Variants in SLC25A26 observed in about 807,000 individuals in gnomAD.
SLC25A26 encodes the protein mitochondrial S-adenosylmethionine carrier protein.
Under a neutral mutation model 37.8 loss-of-function variants are expected in SLC25A26, and 36 were observed. The observed-to-expected ratio is 0.95, with a 90% confidence interval of 0.73 to 1.26. The LOEUF (loss-of-function observed/expected upper bound fraction) is 1.26. Ranked by LOEUF, SLC25A26 falls within the 50% of genes most tolerant of loss-of-function variation. SLC25A26 has a pLI of 0.00. For synonymous variants in SLC25A26, 129 were observed against 122.5 expected, an observed-to-expected ratio of 1.05 and a Z score of -0.35; for missense variants, 390 against 331.1, an observed-to-expected ratio of 1.18 and a Z score of -1.38.
intron 7 of SLC25A26, among the ~76,000 whole-genome samples, chr3:66,367,157 A>C (rs1397709064): frequency 1.3e-5 from 2 of 152,228 alleles, no homozygotes; most frequent in Non-Finnish European, 2.9e-5. Flanking sequence ...CTGGCCACCA[A>C]GGAAAGAGTT....
At chr3:66,298,341 G>A (rs2074970959) in intron 5 of SLC25A26, among the ~76,000 whole-genome samples, 1 of 152,174 alleles carries the variant, frequency 6.6e-6, no homozygotes. Flanking sequence ...AAAACTCCTT[G>A]TCATAAATTG....
At chr3:66,309,318 C>T (rs1427585762) in intron 5 of SLC25A26, among the ~76,000 whole-genome samples, 1 of 152,100 alleles carries the variant, frequency 6.6e-6, no homozygotes, top group African/African-American at 2.4e-5. Flanking sequence ...TTATAGTATT[C>T]TCTGATGGTA....
At chr3:66,178,922 G>C (rs2070641542) in intron 1 of SLC25A26, among the ~76,000 whole-genome samples, 1 of 152,138 alleles carries the variant, frequency 6.6e-6, no homozygotes, top group Non-Finnish European at 1.5e-5. Context: ...GCTCATATTT[G>C]TGGTCAAAGG....
chr3:66,360,103 A>G (rs573313968), intron 6 of SLC25A26, among the ~76,000 whole-genome samples: 1 of 152,324 alleles, frequency 6.6e-6, no homozygotes, highest in East Asian at 1.9e-4. Context: ...AGAGTCTTGT[A>G]CCTAATGAAT....
intron 5 of SLC25A26, among the ~76,000 whole-genome samples, chr3:66,288,077 G>A (rs1331321000): frequency 2.6e-5 from 4 of 152,146 alleles, no homozygotes; most frequent in African/African-American, 9.7e-5. Context: ...GAGAGATTCT[G>A]CCCCTAGACA....
At chr3:66,297,604 A>G (rs73833453) in intron 5 of SLC25A26, among the ~76,000 whole-genome samples, 161 of 152,192 alleles carry the variant, frequency 1.1e-3, no homozygotes, top group African/African-American at 3.5e-3. Context: ...TTCCTTTTTT[A>G]AAAAATAGTT....
upstream of SLC25A26, among the ~76,000 whole-genome samples, chr3:66,219,820 A>T (rs2071420606): frequency 6.6e-6 from 1 of 152,200 alleles, no homozygotes; most frequent in Non-Finnish European, 1.5e-5. Flanking sequence ...TGAGTGCATT[A>T]TCTCATTTAA....
At chr3:66,261,778 G>T (rs577877959) in intron 3 of SLC25A26, 4 of 271,890 alleles carry the variant, frequency 1.5e-5, no homozygotes, top group Non-Finnish European at 2.7e-5. Flanking sequence ...GCTTCTTGCC[G>T]TTGGGAGGCT....
chr3:66,279,706 A>G (rs1471562295), intron 5 of SLC25A26, among the ~76,000 whole-genome samples: 1 of 152,184 alleles, frequency 6.6e-6, no homozygotes, highest in Non-Finnish European at 1.5e-5. Context: ...TTTTGATCTT[A>G]TTAGTTTAGT....
intron 5 of SLC25A26, among the ~76,000 whole-genome samples, chr3:66,346,128 G>A (rs897133338): frequency 3.9e-5 from 6 of 152,312 alleles, no homozygotes; most frequent in Non-Finnish European, 7.4e-5. Flanking sequence ...CTGGGAGGTC[G>A]AGGGTGGTGA....
At chr3:66,325,067 T>A (rs2075801953) in intron 5 of SLC25A26, among the ~76,000 whole-genome samples, 1 of 152,156 alleles carries the variant, frequency 6.6e-6, no homozygotes, top group Non-Finnish European at 1.5e-5. Context: ...TCAGATTGGA[T>A]TTTTCTTTAT....
chr3:66,258,786 G>A (rs2073405893), intron 3 of SLC25A26, among the ~76,000 whole-genome samples: 2 of 151,734 alleles, frequency 1.3e-5, no homozygotes. Context: ...GGAGTTCAGG[G>A]CTAGCCTGGG....
At chr3:66,223,502 T>A (rs942238396) in intron 1 of SLC25A26, among the ~76,000 whole-genome samples, 2 of 152,174 alleles carry the variant, frequency 1.3e-5, no homozygotes, top group African/African-American at 2.4e-5. Context: ...AGTACGGAAA[T>A]GGAGTGGCTA....
intron 1 of SLC25A26, among the ~76,000 whole-genome samples, chr3:66,223,315 T>G (rs2071586513): frequency 6.6e-6 from 1 of 151,972 alleles, no homozygotes. Context: ...ATGGCTCAAG[T>G]GGAAAGAGCT....
intron 9 of SLC25A26, among the ~76,000 whole-genome samples, chr3:66,376,606 A>T (rs1391517452): frequency 6.6e-6 from 1 of 152,238 alleles, no homozygotes. Context: ...CTGCATACTT[A>T]ATAGACTGTA....
intron 5 of SLC25A26, among the ~76,000 whole-genome samples, chr3:66,306,902 A>G (rs1166670197): frequency 6.6e-6 from 1 of 152,136 alleles, no homozygotes; most frequent in African/African-American, 2.4e-5. Flanking sequence ...TATCCAGTCT[A>G]TCATTGATGG....
chr3:66,184,242 A>G (rs1297160491), intron 1 of SLC25A26, among the ~76,000 whole-genome samples: 1 of 151,780 alleles, frequency 6.6e-6, no homozygotes, highest in East Asian at 1.9e-4. Flanking sequence ...ACTGACTTTC[A>G]CCCTGAACCT....
intron 1 of SLC25A26, among the ~76,000 whole-genome samples, chr3:66,204,922 G>C (rs2106820320): frequency 6.6e-6 from 1 of 152,322 alleles, no homozygotes; most frequent in African/African-American, 2.4e-5. Flanking sequence ...GAACTAGCAG[G>C]TAGGGAAGGG....
rs2071468302 is a variant in SLC25A26 at position 66,221,111 on chromosome 3, T to G, written c.17T>G (p.Phe6Cys). ...TGAGCGACCATGGACCGGCCGGGGT[T>G]CGTGGCAGCGCTGGTGGTGAGTGCG... MDRPG[F>C]VAALVAGGVA... The change falls in exon 1 of 10, where the codon TTC becomes TGC. Residue 6 changes from phenylalanine (F) to cysteine (C), a missense_variant. Phe to Cys is a radical substitution (Grantham distance 205). Coordinates refer to ENST00000354883, the MANE Select transcript of SLC25A26 (RefSeq NM_001379210.1). 6.5e-7 allele frequency: 1 copy of G among 1,531,388 alleles called. No individual in the cohort carries two copies. Among genetic ancestry groups the G allele is most frequent in the Admixed American group, 2.0e-5 (1 of 50,118 alleles). The allele number at this position is 1,531,388 out of a possible 1,614,324, so 94.9% of individuals were successfully genotyped here.
Sources: gnomAD v4.1 joint callset for allele counts (sites outside exome capture counted in the v4.1 genomes callset) on GRCh38, gnomAD v4.1.1 for gene constraint, MANE v1.5 for transcripts, NCBI Gene and HGNC (gene_info 2026-07-23, HGNC 2026-07-21) for gene names.